Variants in ZSWIM5 observed in about 807,000 individuals in gnomAD.
ZSWIM5 encodes zinc finger SWIM domain-containing protein 5.
In ZSWIM5, 55 loss-of-function variants were observed where a neutral mutation model predicts 119.6. The observed-to-expected ratio is 0.46, with a 90% CI of 0.37 to 0.58. ZSWIM5 has a LOEUF of 0.58. ZSWIM5 is among the 20% of genes least tolerant of loss of function. The pLI, the probability that ZSWIM5 is intolerant of heterozygous loss-of-function variation, is 0.00. For synonymous variants in ZSWIM5, 537 were observed against 606.9 expected (o/e 0.88, Z 1.69); for missense variants, 1,193 against 1,512.8 (o/e 0.79, Z 3.51).
intron 1 of ZSWIM5, among the ~76,000 whole-genome samples, chr1:45,113,159 T>C (rs1645528102): frequency 6.6e-6 from 1 of 152,286 alleles, no homozygotes; most frequent in South Asian, 2.1e-4. Flanking sequence ...TGAAAAAATA[T>C]TGCTATGATT....
intron 2 of ZSWIM5, among the ~76,000 whole-genome samples, chr1:45,085,842 GTCT>G (rs1431095535): frequency 6.6e-6 from 1 of 152,066 alleles, no homozygotes; most frequent in Non-Finnish European, 1.5e-5. Flanking sequence ...TCATCCTCCT[GTCT>G]TCTTCTAAGC....
chr1:45,081,555 C>T (rs1448929672), intron 2 of ZSWIM5, among the ~76,000 whole-genome samples: 19 of 151,714 alleles, frequency 1.3e-4, no homozygotes, highest in East Asian at 5.8e-4. Context: ...GCGAGTGATC[C>T]GCCAGCCTCG....
chr1:45,055,472 G>C (rs987112039), intron 4 of ZSWIM5, among the ~76,000 whole-genome samples: 1 of 152,106 alleles, frequency 6.6e-6, no homozygotes, highest in Non-Finnish European at 1.5e-5. Context: ...TTGAGATGGC[G>C]ACAACAAGGG....
rs1553191165 is a variant in ZSWIM5, at chr1:45,067,451, A to AAGAAAG, written c.953-7205_953-7204insCTTTCT. The stretch of plus-strand genomic sequence containing the variant: ...TAAGACCCTGCCTCAAAAAAAAAAA[A>AAGAAAG]AAAGAAAGAAAGAAAGAAAGAAATA... On this transcript the variant is annotated intron_variant, in intron 2 of 13. Coordinates refer to ENST00000359600, the MANE Select transcript of ZSWIM5 (RefSeq NM_020883.2). Among the ~76,000 whole-genome samples the AAGAAAG allele has an allele frequency of 4.5e-4, 61 of 136,720 alleles. No individual in the cohort carries two copies. In the East Asian group the frequency reaches 4.5e-3, roughly 10 times the overall value. 89.7% of individuals were successfully genotyped at this position (136,720 alleles called of 152,430 possible). A position where few individuals can be genotyped will look rare whatever the true frequency, so the allele number is the denominator to read the frequency against.
chr1:45,040,643 C>T, intron 6 of ZSWIM5, 105 bp from the exon 7 acceptor site: 2 of 939,946 alleles, frequency 2.1e-6, no homozygotes, highest in Non-Finnish European at 3.1e-6. Context: ...TCAAATTCAA[C>T]CTGACACCTA....
intron 8 of ZSWIM5, among the ~76,000 whole-genome samples, chr1:45,036,579 T>C (rs1365813683): frequency 1.3e-5 from 2 of 152,002 alleles, no homozygotes; most frequent in Non-Finnish European, 2.9e-5. Context: ...GGACTCAAAC[T>C]CCTGACCTCA....
intron 1 of ZSWIM5, among the ~76,000 whole-genome samples, chr1:45,202,739 T>C (rs1487290046): frequency 2.6e-5 from 4 of 152,086 alleles, no homozygotes; most frequent in Non-Finnish European, 4.4e-5. Context: ...TTAATTTTTT[T>C]TCCTTCAATC....
intron 1 of ZSWIM5, among the ~76,000 whole-genome samples, chr1:45,131,226 T>A (rs1645654647): frequency 6.6e-6 from 1 of 152,176 alleles, no homozygotes; most frequent in Non-Finnish European, 1.5e-5. Context: ...AGTTTGAAGG[T>A]GTTATCATTG....
chr1:45,164,613 G>A (rs570737191), intron 1 of ZSWIM5, among the ~76,000 whole-genome samples: 15 of 152,188 alleles, frequency 9.9e-5, no homozygotes, highest in South Asian at 4.2e-4. Flanking sequence ...TCAAAATAAA[G>A]GGATGGAGGA....
In ZSWIM5 at chr1:45,019,230, C is replaced by T. The variant is rs752302467; in HGVS notation, c.2782G>A (p.Val928Ile). The T allele has an allele frequency of 3.0e-5, 49 of 1,613,524 alleles. No individual in the cohort carries two copies. The Middle Eastern group carries it at 5.2e-4, about 17-fold the overall frequency. The change falls in exon 14 of 14, where the codon GTA becomes ATA. Residue 928 changes from valine (V) to isoleucine (I), a missense_variant. Transcript: ENST00000359600. This position sits in a 1 kb window ranked among gnomAD's most constrained non-coding sequence, Gnocchi z 5.0. ...EATSIVAATAVSHTTILRLSL... is the reference protein window; with the variant it reads ...EATSIVAATAISHTTILRLSL... The stretch of plus-strand genomic sequence containing the variant: ...AGGCGCAGGATAGTGGTGTGGGATA[C>T]GGCTGTGGCAGCTACAATACTAGTA...
chr1:45,029,078 T>C (rs10465876), intron 11 of ZSWIM5, among the ~76,000 whole-genome samples: 38,456 of 152,130 alleles, frequency 0.25, 5,085 homozygotes, highest in Admixed American at 0.34. Flanking sequence ...GTGTATTTCC[T>C]ACAAAGACAC....
chr1:45,043,407 A>G lies in ZSWIM5; in HGVS notation c.1433-12T>C, dbSNP rs1469470942. The G allele has an allele frequency of 1.9e-6, 3 of 1,613,716 alleles. No homozygotes were observed. ...TCTGGATAAGGAGTCTGGAGAAAGA[A>G]GAACATGCAGCAGTACAGTGACAGG... is the stretch of plus-strand genomic sequence containing the variant. On this transcript the variant is annotated splice_polypyrimidine_tract_variant and intron_variant, in intron 5 of 13. Coordinates refer to ENST00000359600, the MANE Select transcript of ZSWIM5 (RefSeq NM_020883.2).
chr1:45,162,563 T>C (rs983913702), intron 1 of ZSWIM5, among the ~76,000 whole-genome samples: 1 of 152,196 alleles, frequency 6.6e-6, no homozygotes, highest in Non-Finnish European at 1.5e-5. Flanking sequence ...GGAATTCCCT[T>C]TCCTAGCCAA....
intron 1 of ZSWIM5, among the ~76,000 whole-genome samples, chr1:45,165,326 G>A (rs1351358173): frequency 1.3e-5 from 2 of 152,104 alleles, no homozygotes; most frequent in African/African-American, 2.4e-5. Flanking sequence ...AGTGTGTAGA[G>A]GGAAATTTAC....
rs1158552839 is a variant in ZSWIM5, at chr1:45,166,055, G to A, written c.595+39701C>T. 3.3e-5 allele frequency among the ~76,000 whole-genome samples: 5 copies of A among 152,152 alleles called. No individual in the cohort carries two copies. The East Asian group carries it at 9.6e-4, about 29-fold the overall frequency. On this transcript the variant is annotated intron_variant, in intron 1 of 13. Coordinates refer to ENST00000359600, the MANE Select transcript of ZSWIM5 (RefSeq NM_020883.2). ...ACCAATATCCCTGATGAACATCGAT[G>A]CGAAAATCCTCAATAAAATACTGGC...
At chr1:45,054,567 G>A (rs778401812) in intron 4 of ZSWIM5, among the ~76,000 whole-genome samples, 1 of 152,110 alleles carries the variant, frequency 6.6e-6, no homozygotes. Flanking sequence ...GGGCAACAGA[G>A]TGAGACACTT....
chr1:45,040,501 C>T lies in ZSWIM5; in HGVS notation c.1647G>A (p.Leu549=). 1.2e-6 allele frequency: 2 copies of T among 1,611,764 alleles called. No homozygotes were observed. The highest frequency in any genetic ancestry group is 1.7e-6 in the Non-Finnish European group (2 of 1,178,920). ...VPTACARVDA[L]RSHGYPKEAL... ...CCTCTTTTGGATAACCATGGGAACG[C>T]AGGGCGTCAACTCGAGCACAGGCTG... Residue 549 remains leucine, a synonymous_variant, in exon 7 of 14, where the codon CTG becomes CTA. Coordinates refer to ENST00000359600, the MANE Select transcript of ZSWIM5 (RefSeq NM_020883.2).
At chr1:45,063,155 G>A (rs866837114) in intron 2 of ZSWIM5, among the ~76,000 whole-genome samples, 3 of 152,026 alleles carry the variant, frequency 2.0e-5, no homozygotes, top group Non-Finnish European at 4.4e-5. Context: ...AAATTATTTT[G>A]GTCTTTTTTT....
intron 2 of ZSWIM5, among the ~76,000 whole-genome samples, chr1:45,075,698 A>G (rs544160180): frequency 6.6e-6 from 1 of 151,900 alleles, no homozygotes; most frequent in Non-Finnish European, 1.5e-5. Context: ...AGTTTAGTCT[A>G]TTTACATTCA....
Sources: allele counts gnomAD v4.1 joint callset (sites outside exome capture counted in the v4.1 genomes callset), GRCh38; gene constraint gnomAD v4.1.1; non-coding constraint Gnocchi (gnomAD v3.1); transcripts MANE v1.5; gene names NCBI Gene and HGNC (gene_info 2026-07-23, HGNC 2026-07-21).